GSE1: variants seen among roughly 807,000 people sequenced by gnomAD.
GSE1 encodes genetic suppressor element 1.
Under a neutral mutation model 112.6 loss-of-function variants are expected in GSE1, and 32 were observed. The ratio of observed to expected loss-of-function variants is 0.28; its 90% CI spans 0.21 to 0.38. The LOEUF (loss-of-function observed/expected upper bound fraction) is 0.38, where lower values mean the gene tolerates loss of function less well. Ranked by LOEUF, GSE1 falls within the 10% of genes least tolerant of loss-of-function variation. GSE1 has a pLI of 1.00. For missense variants in GSE1, 2,348 were observed against 1,699.2 expected, an observed-to-expected ratio of 1.38 and a Z score of -6.71; for synonymous variants, 1,115 against 735.6, an observed-to-expected ratio of 1.52 and a Z score of -8.35.
At chr16:85,281,811 T>A (rs1221175910) in intron 1 of GSE1, among the ~76,000 whole-genome samples, 1 of 152,090 alleles carries the variant, frequency 6.6e-6, no homozygotes, top group Non-Finnish European at 1.5e-5. Flanking sequence ...AGCTTATCAT[T>A]GCCACTCTTG....
chr16:85,637,637 G>C (rs1355023389), intron 2 of GSE1, among the ~76,000 whole-genome samples: 1 of 152,252 alleles, frequency 6.6e-6, no homozygotes, highest in Non-Finnish European at 1.5e-5. Flanking sequence ...TGAGAACTGA[G>C]CCTCCGGCTT....
chr16:85,369,987 G>A (rs934815303), intron 2 of GSE1, among the ~76,000 whole-genome samples: 3 of 152,164 alleles, frequency 2.0e-5, no homozygotes, highest in East Asian at 1.9e-4. Context: ...GGCTGATGAC[G>A]GAGCCCCCTT....
At chr16:85,485,983 G>C (rs922307750) in intron 2 of GSE1, among the ~76,000 whole-genome samples, 1 of 152,206 alleles carries the variant, frequency 6.6e-6, no homozygotes, top group Non-Finnish European at 1.5e-5. Flanking sequence ...TAGGGGCCCT[G>C]TTCTGGCCCA....
intron 2 of GSE1, among the ~76,000 whole-genome samples, chr16:85,435,484 C>A (rs1463052656): frequency 2.0e-5 from 3 of 152,206 alleles, no homozygotes; most frequent in African/African-American, 4.8e-5. Flanking sequence ...TGCCCTAGAT[C>A]TGTCACAGCC....
chr16:85,259,054 T>G (rs1056984842), intron 1 of GSE1, among the ~76,000 whole-genome samples: 1 of 152,120 alleles, frequency 6.6e-6, no homozygotes, highest in African/African-American at 2.4e-5. Context: ...CTCTTGGTCC[T>G]GGAGAGAGGA....
At chr16:85,478,245 G>A (rs1319508895) in intron 2 of GSE1, among the ~76,000 whole-genome samples, 1 of 152,040 alleles carries the variant, frequency 6.6e-6, no homozygotes, top group African/African-American at 2.4e-5. Flanking sequence ...CATGGCATGG[G>A]GCCAGGCACG....
chr16:85,217,941 A>C (rs1416837419), intron 1 of GSE1, among the ~76,000 whole-genome samples: 2 of 151,970 alleles, frequency 1.3e-5, no homozygotes, highest in African/African-American at 4.8e-5. Context: ...TTGTTCTGTT[A>C]CGACGCTGGA....
intron 2 of GSE1, among the ~76,000 whole-genome samples, chr16:85,514,896 C>G (rs575255915): frequency 1.2e-4 from 19 of 152,210 alleles, no homozygotes; most frequent in Admixed American, 7.8e-4. Flanking sequence ...TGTGCATGCA[C>G]ATGTGCGTGT....
intron 2 of GSE1, among the ~76,000 whole-genome samples, chr16:85,385,247 G>A (rs1219148385): frequency 3.3e-5 from 5 of 152,338 alleles, no homozygotes; most frequent in African/African-American, 1.2e-4. Flanking sequence ...AGGAGGCTGG[G>A]AGGAGAAGGG....
chr16:85,172,841 G>T (rs1052078830), intron 1 of GSE1, among the ~76,000 whole-genome samples: 1 of 152,220 alleles, frequency 6.6e-6, no homozygotes, highest in African/African-American at 2.4e-5. Flanking sequence ...GGGCACGGAG[G>T]TGGACTATCT....
chr16:85,291,415 C>A (rs980211526), intron 1 of GSE1, among the ~76,000 whole-genome samples: 7 of 152,344 alleles, frequency 4.6e-5, no homozygotes, highest in East Asian at 3.9e-4. Flanking sequence ...TTTTCTGGAT[C>A]CTTCTCTTCC....
rs1489240266 is a variant in GSE1 at position 85,671,014 on chromosome 16, G to A, written c.3435G>A (p.Gln1145=). The change falls in exon 15 of 16, where the codon CAG becomes CAA. Residue 1145 remains glutamine, a synonymous_variant. Coordinates refer to ENST00000253458, the MANE Select transcript of GSE1 (RefSeq NM_014615.5). ...TTTCAGAGCAAAATCTGGAGCGGCA[G>A]GTGTTACAGACACAATGTAGACGAC... ...EHIEEQNLER[Q]VLQTQCRRLE... The A allele has an allele frequency of 6.2e-7, 1 of 1,610,164 alleles. No individual in the cohort carries two copies.
intron 1 of GSE1, among the ~76,000 whole-genome samples, chr16:85,283,883 C>A (rs896709178): frequency 6.6e-6 from 1 of 152,216 alleles, no homozygotes; most frequent in African/African-American, 2.4e-5. Context: ...GGGCTTTAAT[C>A]TCAGGCCGTC....
At chr16:85,377,428 A>G (rs2047444911) in intron 2 of GSE1, among the ~76,000 whole-genome samples, 1 of 152,194 alleles carries the variant, frequency 6.6e-6, no homozygotes, top group African/African-American at 2.4e-5. Context: ...TCCCTGGGGA[A>G]AGAGATGCCA....
At chr16:85,208,065 ACAGT>A (rs2075151930) in intron 1 of GSE1, among the ~76,000 whole-genome samples, 1 of 152,134 alleles carries the variant, frequency 6.6e-6, no homozygotes, top group Non-Finnish European at 1.5e-5. Flanking sequence ...GATGTACCCC[ACAGT>A]CAGTGTGTGG....
At chr16:85,605,799 C>G (rs575870382) in intron 1 of GSE1, among the ~76,000 whole-genome samples, 2 of 152,066 alleles carry the variant, frequency 1.3e-5, no homozygotes, top group African/African-American at 2.4e-5. Context: ...CCGTAGCGAG[C>G]CGGATAAACT....
chr16:85,343,970 G>A (rs891050630), intron 1 of GSE1, among the ~76,000 whole-genome samples: 2 of 152,308 alleles, frequency 1.3e-5, no homozygotes, highest in Non-Finnish European at 2.9e-5. Context: ...CAGGGCCTTT[G>A]CACTGGCCAT....
At chr16:85,420,624 A>T (rs963954887) in intron 2 of GSE1, among the ~76,000 whole-genome samples, 1 of 152,122 alleles carries the variant, frequency 6.6e-6, no homozygotes, top group Non-Finnish European at 1.5e-5. Context: ...GAGGGCCTGC[A>T]GCAGATGAGG....
At chr16:85,549,083 G>A (rs576486005) in intron 2 of GSE1, among the ~76,000 whole-genome samples, 4 of 152,196 alleles carry the variant, frequency 2.6e-5, no homozygotes, top group East Asian at 1.9e-4. Context: ...CACCGCGCCC[G>A]GCCTGGAGAT....
Sources: allele counts gnomAD v4.1 joint callset (sites outside exome capture counted in the v4.1 genomes callset), GRCh38; gene constraint gnomAD v4.1.1; transcripts MANE v1.5; gene names NCBI Gene and HGNC (gene_info 2026-07-23, HGNC 2026-07-21).